Variants in PRKAA2 observed in about 807,000 individuals in gnomAD.
PRKAA2 encodes the protein protein kinase AMP-activated catalytic subunit alpha 2.
PRKAA2 carries 40 observed loss-of-function variants against 56.3 expected under a neutral mutation model. That is an observed-to-expected ratio of 0.71 (90% CI 0.55 to 0.92). The LOEUF (loss-of-function observed/expected upper bound fraction) is 0.92, where lower values mean the gene tolerates loss of function less well. PRKAA2 is among the 40% of genes least tolerant of loss of function. The pLI is 0.00. For missense variants in PRKAA2, 542 were observed against 686.9 expected (o/e 0.79, Z 2.36); for synonymous variants, 214 against 234.2 (o/e 0.91, Z 0.79).
At chr1:56,651,175 A>T (rs1643893971) in intron 1 of PRKAA2, among the ~76,000 whole-genome samples, 1 of 152,050 alleles carries the variant, frequency 6.6e-6, no homozygotes, top group Non-Finnish European at 1.5e-5. Context: ...AAAAGATTTA[A>T]CTCCAAAAAA....
chr1:56,696,965 A>G (rs1644262407), intron 6 of PRKAA2, among the ~76,000 whole-genome samples: 1 of 143,034 alleles, frequency 7.0e-6, no homozygotes, highest in Non-Finnish European at 1.5e-5. Flanking sequence ...TGTTCTTTTG[A>G]CATCTTTCCA....
At chr1:56,684,955 AG>A (rs1420430157) in intron 2 of PRKAA2, among the ~76,000 whole-genome samples, 1 of 152,114 alleles carries the variant, frequency 6.6e-6, no homozygotes, top group East Asian at 1.9e-4. Flanking sequence ...CAAAAGAAAG[AG>A]GGGCTAATTA....
chr1:56,682,227 G>A (rs531683390), intron 2 of PRKAA2, among the ~76,000 whole-genome samples: 77 of 151,998 alleles, frequency 5.1e-4, no homozygotes, highest in Non-Finnish European at 1.0e-3. Flanking sequence ...TTATGTTCTG[G>A]ACAGTAAGTA....
Position 56,704,085 on chromosome 1 carries a change from A to C in PRKAA2, c.903A>C (p.Glu301Asp). The change falls in exon 7 of 9, where the codon GAA (glutamate) becomes GAC (aspartate). Residue 301 changes from glutamate to aspartate, a missense_variant. By Grantham distance (45) the Glu-to-Asp change is conservative. Coordinates refer to ENST00000371244, the MANE Select transcript of PRKAA2 (RefSeq NM_006252.4). Reference protein sequence around the residue: ...EAVKEVCEKFECTESEVMNSL... With the variant: ...EAVKEVCEKFDCTESEVMNSL... ...TGAAAGAAGTGTGTGAAAAATTTGA[A>C]TGTACAGAATCAGAAGTAATGAACA... 1 of 1,614,202 alleles carries C rather than the reference A, an allele frequency of 6.2e-7. No individual in the cohort carries two copies.
intron 4 of PRKAA2, among the ~76,000 whole-genome samples, chr1:56,692,947 G>A (rs2100425139): frequency 6.6e-6 from 1 of 152,202 alleles, no homozygotes; most frequent in Admixed American, 6.5e-5. Context: ...CCACAAAGAG[G>A]TCCTTAGGTG....
chr1:56,691,747 ATCAGTTAT>A (rs1644229706), intron 3 of PRKAA2, among the ~76,000 whole-genome samples: 2 of 152,196 alleles, frequency 1.3e-5, no homozygotes, highest in Admixed American at 1.3e-4. Context: ...CATGTTGAAG[ATCAGTTAT>A]TTCCTTTTCT....
At chr1:56,646,556 A>C (rs1423718096) in intron 1 of PRKAA2, among the ~76,000 whole-genome samples, 1 of 152,222 alleles carries the variant, frequency 6.6e-6, no homozygotes, top group Non-Finnish European at 1.5e-5. Flanking sequence ...ATGTGATTTA[A>C]TTAACCTGCC....
At chr1:56,699,478 A>G (rs1644280029) in intron 6 of PRKAA2, among the ~76,000 whole-genome samples, 1 of 152,218 alleles carries the variant, frequency 6.6e-6, no homozygotes, top group Non-Finnish European at 1.5e-5. Context: ...CCTGAAAATC[A>G]AAAGCTAGAA....
At chr1:56,690,635 G>A (rs778523729) in intron 2 of PRKAA2, among the ~76,000 whole-genome samples, 14 of 151,908 alleles carry the variant, frequency 9.2e-5, no homozygotes, top group Admixed American at 3.9e-4. Flanking sequence ...TACTTTTAAC[G>A]TATAGTTTAT....
At chr1:56,700,271 C>T (rs923647137) in intron 6 of PRKAA2, among the ~76,000 whole-genome samples, 3 of 152,072 alleles carry the variant, frequency 2.0e-5, no homozygotes, top group African/African-American at 7.2e-5. Flanking sequence ...TCCTTAAATG[C>T]CCTGATCTAA....
intron 1 of PRKAA2, among the ~76,000 whole-genome samples, chr1:56,647,934 G>A (rs1181725422): frequency 6.6e-6 from 1 of 151,424 alleles, no homozygotes; most frequent in East Asian, 1.9e-4. Context: ...GGAGTCTGAG[G>A]CAGGAGAATC....
At chr1:56,677,486 G>C (rs1015456499) in intron 2 of PRKAA2, among the ~76,000 whole-genome samples, 13 of 152,126 alleles carry the variant, frequency 8.5e-5, no homozygotes, top group African/African-American at 2.9e-4. Flanking sequence ...CTTATACCTT[G>C]ACCTCATCAC....
intron 3 of PRKAA2, 123 bp downstream of exon 3, chr1:56,691,610 A>T: frequency 1.9e-6 from 1 of 540,366 alleles, no homozygotes; most frequent in Non-Finnish European, 3.0e-6. Context: ...GCTCAACTAA[A>T]CATGTAGAGT....
At chr1:56,692,847 G>GA (rs920514994) in intron 4 of PRKAA2, among the ~76,000 whole-genome samples, 1 of 147,438 alleles carries the variant, frequency 6.8e-6, no homozygotes, top group Non-Finnish European at 1.5e-5. Flanking sequence ...AAAATCTCAT[G>GA]AAAGTATGGG....
At chr1:56,664,779 A>G (rs1644021686) in intron 1 of PRKAA2, among the ~76,000 whole-genome samples, 1 of 151,870 alleles carries the variant, frequency 6.6e-6, no homozygotes, top group African/African-American at 2.4e-5. Context: ...ACTCTTGTAG[A>G]ATTTAAATTA....
intron 1 of PRKAA2, among the ~76,000 whole-genome samples, chr1:56,665,094 G>A (rs1360095231): frequency 1.1e-5 from 1 of 92,072 alleles, no homozygotes; most frequent in Non-Finnish European, 2.2e-5. Context: ...TTTTTTTTTT[G>A]AGACAGCGTC....
intron 6 of PRKAA2, among the ~76,000 whole-genome samples, chr1:56,696,487 C>T (rs1438606096): frequency 6.6e-6 from 1 of 152,024 alleles, no homozygotes; most frequent in African/African-American, 2.4e-5. Flanking sequence ...TTTGTTCATG[C>T]TTTTATTATT....
rs752458746 is a variant in PRKAA2 at position 56,713,559 on chromosome 1, C to T, written c.*5846C>T. On this transcript the variant is annotated 3_prime_UTR_variant, in exon 9 of 9. Coordinates refer to ENST00000371244, the MANE Select transcript of PRKAA2 (RefSeq NM_006252.4). Reference sequence around the variant, plus strand: ...AATGAAAAAAGAATTTGGAGAATATCCTGGCATGAAAACTTTTTTGAATAA... The same window carrying T: ...AATGAAAAAAGAATTTGGAGAATATTCTGGCATGAAAACTTTTTTGAATAA... 1 of 151,908 alleles carries T rather than the reference C, an allele frequency of 6.6e-6. No individual in the cohort carries two copies. Among genetic ancestry groups the T allele is most frequent in the Non-Finnish European group, 1.5e-5 (1 of 67,972 alleles). The allele number at this position is 151,908 out of a possible 1,614,324, so 9.4% of individuals were successfully genotyped here.
chr1:56,666,723 G>C (rs1644038684), intron 1 of PRKAA2, among the ~76,000 whole-genome samples: 1 of 152,060 alleles, frequency 6.6e-6, no homozygotes, highest in African/African-American at 2.4e-5. Flanking sequence ...AGGGAATAGT[G>C]AATGATGTTA....
Sources: allele counts gnomAD v4.1 joint callset (sites outside exome capture counted in the v4.1 genomes callset), GRCh38; gene constraint gnomAD v4.1.1; transcripts MANE v1.5; gene names NCBI Gene and HGNC (gene_info 2026-07-23, HGNC 2026-07-21).